Variants in IMMP2L observed in about 807,000 individuals in gnomAD.
IMMP2L encodes the protein mitochondrial inner membrane protease subunit 2.
In IMMP2L, 18 loss-of-function variants were observed where a neutral mutation model predicts 19.3. The observed-to-expected ratio is 0.93, with a 90% CI of 0.64 to 1.38. The LOEUF is 1.38. IMMP2L is among the 40% of genes most tolerant of loss of function. IMMP2L has a pLI of 0.00. For missense variants in IMMP2L, 233 were observed against 218.2 expected (o/e 1.07, Z -0.43); for synonymous variants, 76 against 73.0 (o/e 1.04, Z -0.21).
intron 5 of IMMP2L, among the ~76,000 whole-genome samples, chr7:110,700,565 C>G (rs1183171753): frequency 6.6e-6 from 1 of 152,156 alleles, no homozygotes; most frequent in Admixed American, 6.5e-5. Flanking sequence ...TAACCTCCTG[C>G]CAGCCTAGAT....
At chr7:111,241,087 G>A (rs972777396) in intron 3 of IMMP2L, among the ~76,000 whole-genome samples, 6 of 151,710 alleles carry the variant, frequency 4.0e-5, no homozygotes, top group African/African-American at 9.7e-5. Context: ...GTTACTGTTC[G>A]AATGGTAAAT....
intron 3 of IMMP2L, among the ~76,000 whole-genome samples, chr7:111,400,376 G>T (rs1392484409): frequency 1.3e-5 from 2 of 152,082 alleles, no homozygotes; most frequent in Non-Finnish European, 2.9e-5. Flanking sequence ...TTAGCACAAA[G>T]ATCTCTTAAG....
At chr7:110,718,252 T>C (rs1050535557) in intron 5 of IMMP2L, among the ~76,000 whole-genome samples, 1 of 152,194 alleles carries the variant, frequency 6.6e-6, no homozygotes, top group Non-Finnish European at 1.5e-5. Context: ...AAGTAGAAAG[T>C]TTGAGAACAC....
At chr7:110,923,721 C>T (rs911039148) in intron 4 of IMMP2L, among the ~76,000 whole-genome samples, 6 of 152,016 alleles carry the variant, frequency 3.9e-5, no homozygotes, top group Admixed American at 1.3e-4. Context: ...AAATAAATTG[C>T]CAACACACTT....
intron 3 of IMMP2L, among the ~76,000 whole-genome samples, chr7:111,306,455 G>A (rs915793883): frequency 7.2e-5 from 11 of 152,048 alleles, no homozygotes; most frequent in South Asian, 2.1e-4. Flanking sequence ...ATTTCTCTGT[G>A]AAACTAAAAC....
At chr7:110,748,513 A>T (rs1193374200) in intron 5 of IMMP2L, among the ~76,000 whole-genome samples, 1 of 152,228 alleles carries the variant, frequency 6.6e-6, no homozygotes, top group African/African-American at 2.4e-5. Context: ...ACAAGGCTAC[A>T]GTAACAAAAA....
In IMMP2L at chr7:111,401,328, A is replaced by T. The variant is rs145918496; in HGVS notation, c.239+85910T>A. Among the ~76,000 whole-genome samples, 104 of 152,256 alleles carry T rather than the reference A, an allele frequency of 6.8e-4. 1 individual carries two copies. The East Asian group carries it at 0.017, about 25-fold the overall frequency. ...TAAGTGTTATGGGGGAGCAAAGGCA[A>T]TTAAAGTCAATTTTCTGCCTCCAAG... On this transcript the variant is annotated intron_variant, in intron 3 of 5. Transcript: ENST00000405709.
chr7:111,069,103 AT>A (rs1290050606), intron 3 of IMMP2L, among the ~76,000 whole-genome samples: 2 of 152,176 alleles, frequency 1.3e-5, no homozygotes, highest in East Asian at 3.9e-4. Flanking sequence ...AAATAACTTC[AT>A]TATTTTATTT....
At chr7:110,863,353 C>A in intron 5 of IMMP2L, among the ~76,000 whole-genome samples, 1 of 152,124 alleles carries the variant, frequency 6.6e-6, no homozygotes. Context: ...CATGTTTGTT[C>A]TCATGACACA....
At chr7:110,935,497 G>A (rs1461289894) in intron 4 of IMMP2L, among the ~76,000 whole-genome samples, 6 of 152,048 alleles carry the variant, frequency 3.9e-5, no homozygotes, top group Admixed American at 1.3e-4. Context: ...TTCTCGAGGA[G>A]TATCTTTGTG....
intron 5 of IMMP2L, among the ~76,000 whole-genome samples, chr7:110,683,093 A>C (rs977238746): frequency 6.6e-6 from 1 of 152,088 alleles, no homozygotes. Context: ...ATCACCTTTA[A>C]AACTGCAGCT....
At chr7:111,012,506 T>C (rs1192487701) in intron 3 of IMMP2L, among the ~76,000 whole-genome samples, 2 of 152,208 alleles carry the variant, frequency 1.3e-5, no homozygotes, top group Non-Finnish European at 2.9e-5. Flanking sequence ...GTAATATTTA[T>C]ATATGATATT....
At chr7:110,958,058 C>A (rs1818545877) in intron 4 of IMMP2L, among the ~76,000 whole-genome samples, 1 of 152,008 alleles carries the variant, frequency 6.6e-6, no homozygotes, top group African/African-American at 2.4e-5. Context: ...CTAAGGTCTA[C>A]ACGGTCAGTG....
chr7:111,170,123 T>G (rs1806264763), intron 3 of IMMP2L, among the ~76,000 whole-genome samples: 1 of 151,874 alleles, frequency 6.6e-6, no homozygotes, highest in South Asian at 2.1e-4. Context: ...GTCAGTATAT[T>G]TTGGCACATA....
chr7:110,752,669 T>C (rs1331999191), intron 5 of IMMP2L, among the ~76,000 whole-genome samples: 2 of 151,940 alleles, frequency 1.3e-5, no homozygotes, highest in Non-Finnish European at 2.9e-5. Flanking sequence ...AGGGACAAAC[T>C]GGTAGAGGCA....
chr7:110,857,632 T>C (rs1048230229), intron 5 of IMMP2L, among the ~76,000 whole-genome samples: 1 of 152,100 alleles, frequency 6.6e-6, no homozygotes, highest in African/African-American at 2.4e-5. Context: ...TCTGTATTTT[T>C]AACAAGAACT....
At chr7:111,111,183 A>G (rs1443808042) in intron 3 of IMMP2L, among the ~76,000 whole-genome samples, 1 of 152,074 alleles carries the variant, frequency 6.6e-6, no homozygotes, top group Non-Finnish European at 1.5e-5. Context: ...CTGTTTTGAA[A>G]GAACTCTTTT....
intron 5 of IMMP2L, among the ~76,000 whole-genome samples, chr7:110,777,741 T>C (rs564795888): frequency 1.3e-5 from 2 of 152,092 alleles, no homozygotes; most frequent in South Asian, 4.1e-4. Context: ...TATATCAAAA[T>C]TTCCATATTG....
At chr7:110,697,876 G>A (rs1416842017) in intron 5 of IMMP2L, among the ~76,000 whole-genome samples, 2 of 152,144 alleles carry the variant, frequency 1.3e-5, no homozygotes, top group Non-Finnish European at 2.9e-5. Context: ...TTATTTGGAA[G>A]GAAATGGCTA....
Sources: allele counts gnomAD v4.1 joint callset (sites outside exome capture counted in the v4.1 genomes callset), GRCh38; gene constraint gnomAD v4.1.1; transcripts MANE v1.5; gene names NCBI Gene and HGNC (gene_info 2026-07-23, HGNC 2026-07-21).